TMEM266: variants seen among roughly 807,000 people sequenced by gnomAD.
TMEM266 encodes the protein Hv1 related protein 1.
A neutral mutation model predicts 50.5 loss-of-function variants in TMEM266; 33 were observed. The ratio of observed to expected loss-of-function variants is 0.65; its 90% CI spans 0.50 to 0.87. The LOEUF (loss-of-function observed/expected upper bound fraction) is 0.87. Ranked by LOEUF, TMEM266 falls within the 40% of genes least tolerant of loss-of-function variation. The probability of loss-of-function intolerance (pLI) is 0.00; values close to 1 mark genes in which losing one functional copy is unlikely to be tolerated. For missense variants in TMEM266, 655 were observed against 695.1 expected (o/e 0.94, Z 0.65); for synonymous variants, 310 against 292.3 (o/e 1.06, Z -0.62).
At chr15:76,159,960 CA>C (rs2037991474) in intron 4 of TMEM266, 134 bp from the exon 5 acceptor site, 1 of 803,358 alleles carries the variant, frequency 1.2e-6, no homozygotes, top group Non-Finnish European at 2.1e-6. Context: ...CTCTCTGACC[CA>C]ATTTCCACCA....
At chr15:76,111,762 A>G (rs1047474353) in intron 1 of TMEM266, among the ~76,000 whole-genome samples, 2 of 152,238 alleles carry the variant, frequency 1.3e-5, no homozygotes, top group African/African-American at 4.8e-5. Flanking sequence ...ATGAGCTAGT[A>G]ATTACACTCC....
chr15:76,159,115 C>T (rs990523463), intron 4 of TMEM266, among the ~76,000 whole-genome samples: 20 of 152,202 alleles, frequency 1.3e-4, no homozygotes, highest in African/African-American at 4.6e-4. Flanking sequence ...CTGCCTCTCA[C>T]CCCCTCTCAG....
At chr15:76,095,722 C>A (rs4886762) in intron 1 of TMEM266, among the ~76,000 whole-genome samples, 3 of 151,564 alleles carry the variant, frequency 2.0e-5, no homozygotes, top group African/African-American at 7.3e-5. Context: ...TGGTAGAATT[C>A]GGCTGTGAAT....
At chr15:76,071,909 T>A (rs185190491) in intron 1 of TMEM266, among the ~76,000 whole-genome samples, 370 of 138,558 alleles carry the variant, frequency 2.7e-3, no homozygotes, top group Admixed American at 5.1e-3. Context: ...AGATTCGGCA[T>A]TTTTTTTTTT....
chr15:76,117,056 C>T (rs1428101153), intron 1 of TMEM266, among the ~76,000 whole-genome samples: 1 of 151,928 alleles, frequency 6.6e-6, no homozygotes, highest in Admixed American at 6.6e-5. Context: ...TGTGCCACCA[C>T]GCCGGGCTAA....
intron 2 of TMEM266, among the ~76,000 whole-genome samples, 169 bp downstream of exon 2, chr15:76,134,470 G>A (rs1052393675): frequency 2.6e-5 from 4 of 152,234 alleles, no homozygotes; most frequent in Admixed American, 6.5e-5. Context: ...ATTAGGAAGC[G>A]CTGAAGGTGA....
chr15:76,111,596 TG>T (rs1182895056), intron 1 of TMEM266, among the ~76,000 whole-genome samples: 1 of 151,362 alleles, frequency 6.6e-6, no homozygotes, highest in Non-Finnish European at 1.5e-5. Flanking sequence ...TTAATAGAGA[TG>T]GGGTTTCCCC....
chr15:76,100,632 G>A (rs548509169), intron 1 of TMEM266, among the ~76,000 whole-genome samples: 1 of 152,308 alleles, frequency 6.6e-6, no homozygotes, highest in East Asian at 1.9e-4. Flanking sequence ...ATGCCAGACT[G>A]TATCCATTTC....
intron 7 of TMEM266, chr15:76,175,348 A>T (rs2142064428): frequency 3.8e-6 from 2 of 527,314 alleles, no homozygotes; most frequent in Non-Finnish European, 3.4e-6. Context: ...ACTATGGAAA[A>T]CAGGAAAACA....
At chr15:76,127,999 C>T (rs1317670086) in intron 1 of TMEM266, among the ~76,000 whole-genome samples, 1 of 152,048 alleles carries the variant, frequency 6.6e-6, no homozygotes, top group Non-Finnish European at 1.5e-5. Context: ...TACATGAGAA[C>T]GTTTGAGAAC....
intron 1 of TMEM266, among the ~76,000 whole-genome samples, chr15:76,074,665 AT>A (rs2036581457): frequency 6.6e-6 from 1 of 152,078 alleles, no homozygotes; most frequent in South Asian, 2.1e-4. Flanking sequence ...CATAAAATTT[AT>A]TGGGACACCT....
chr15:76,118,251 C>T (rs1369802716), intron 1 of TMEM266, among the ~76,000 whole-genome samples: 1 of 152,146 alleles, frequency 6.6e-6, no homozygotes, highest in Non-Finnish European at 1.5e-5. Flanking sequence ...TGCCTTGGGC[C>T]CTCCATTCTA....
chr15:76,099,079 G>A (rs1179553218), intron 1 of TMEM266, among the ~76,000 whole-genome samples: 1 of 152,170 alleles, frequency 6.6e-6, no homozygotes, highest in Non-Finnish European at 1.5e-5. Flanking sequence ...CCCCTTTCCA[G>A]GGGAGTGAAT....
At chr15:76,069,321 G>C (rs755099643) in intron 1 of TMEM266, among the ~76,000 whole-genome samples, 3 of 152,156 alleles carry the variant, frequency 2.0e-5, no homozygotes, top group Admixed American at 6.6e-5. Flanking sequence ...GAAAAAGCAG[G>C]AGGAGATAGG....
chr15:76,201,343 C>T (rs936041870), intron 9 of TMEM266, among the ~76,000 whole-genome samples: 1 of 152,158 alleles, frequency 6.6e-6, no homozygotes, highest in Non-Finnish European at 1.5e-5. Flanking sequence ...CTGAAAATCT[C>T]AACTCTCCTC....
intron 1 of TMEM266, among the ~76,000 whole-genome samples, chr15:76,123,713 C>CTTT (rs573502236): frequency 0.044 from 6,487 of 147,486 alleles, 444 homozygotes; most frequent in African/African-American, 0.15. Flanking sequence ...AGGGATGAAT[C>CTTT]TTTTTTTTTT....
intron 5 of TMEM266, among the ~76,000 whole-genome samples, chr15:76,162,276 C>G (rs1343967727): frequency 6.6e-6 from 1 of 152,160 alleles, no homozygotes; most frequent in Non-Finnish European, 1.5e-5. Flanking sequence ...AATGGAGGGC[C>G]GGTGCATGGA....
At chr15:76,202,777 T>C (rs890926884) in intron 10 of TMEM266, among the ~76,000 whole-genome samples, 1 of 152,186 alleles carries the variant, frequency 6.6e-6, no homozygotes, top group Non-Finnish European at 1.5e-5. Flanking sequence ...CGTTTCTCCA[T>C]AGCCCCCTTT....
intron 1 of TMEM266, among the ~76,000 whole-genome samples, chr15:76,116,930 G>T (rs1265410358): frequency 2.2e-5 from 3 of 133,788 alleles, no homozygotes; most frequent in Non-Finnish European, 4.7e-5. Flanking sequence ...ACGGAGTTTC[G>T]CTCTTGTTGC....
Sources: allele counts gnomAD v4.1 joint callset (sites outside exome capture counted in the v4.1 genomes callset), GRCh38; gene constraint gnomAD v4.1.1; transcripts MANE v1.5; gene names NCBI Gene and HGNC (gene_info 2026-07-23, HGNC 2026-07-21).